The following SDK1 variants were observed in gnomAD, a reference collection of about 807,000 sequenced individuals.
SDK1 encodes the protein protein sidekick-1.
In SDK1, 157 loss-of-function variants were observed where a neutral mutation model predicts 245.5. The ratio of observed to expected loss-of-function variants is 0.64; its 90% CI spans 0.56 to 0.73. SDK1 has a LOEUF of 0.73. Ranked by LOEUF, SDK1 falls within the 30% of genes least tolerant of loss-of-function variation. The pLI, the probability that SDK1 is intolerant of heterozygous loss-of-function variation, is 0.00. For synonymous variants in SDK1, 1,647 were observed against 1,278.5 expected (o/e 1.29, Z -6.15); for missense variants, 3,583 against 3,002.3 (o/e 1.19, Z -4.52).
intron 4 of SDK1, among the ~76,000 whole-genome samples, chr7:3,798,400 G>A (rs1779019623): frequency 6.6e-6 from 1 of 151,778 alleles, no homozygotes; most frequent in Non-Finnish European, 1.5e-5. Context: ...TGTGTTTTTA[G>A]TAGAGACAGG....
chr7:4,029,276 A>G (rs1030480037), intron 17 of SDK1, among the ~76,000 whole-genome samples: 1 of 142,696 alleles, frequency 7.0e-6, no homozygotes, highest in Non-Finnish European at 1.5e-5. Context: ...CAGTGGCACA[A>G]TCTCAGCTCA....
chr7:4,085,715 T>C (rs185112962), intron 22 of SDK1, among the ~76,000 whole-genome samples: 2,333 of 152,100 alleles, frequency 0.015, 59 homozygotes, highest in African/African-American at 0.045. Context: ...CCACCACGCC[T>C]GGCTAATTTT....
Position 3,509,050 on chromosome 7 carries a change from C to T in SDK1, c.299-110030C>T, listed in dbSNP as rs563272225. ...CAGTTGTGAACTCAGCATATCAGGG[C>T]AGCCTAAGGAAGGTGGGGTGTGTGT... is the stretch of plus-strand genomic sequence containing the variant. On this transcript the variant is annotated intron_variant, in intron 1 of 44. Transcript: ENST00000404826. 2.1e-3 allele frequency among the ~76,000 whole-genome samples: 320 copies of T among 151,818 alleles called. 2 individuals are homozygous for T. Among genetic ancestry groups the T allele is most frequent in the Admixed American group, 5.0e-3 (76 of 15,230 alleles).
At chr7:3,599,155 T>C (rs1781173668) in intron 1 of SDK1, among the ~76,000 whole-genome samples, 1 of 151,004 alleles carries the variant, frequency 6.6e-6, no homozygotes, top group South Asian at 2.1e-4. Flanking sequence ...TGTTTTTTAC[T>C]GTAGCCATTC....
At chr7:4,159,814 T>G (rs2128211851) in intron 31 of SDK1, among the ~76,000 whole-genome samples, 1 of 152,288 alleles carries the variant, frequency 6.6e-6, no homozygotes, top group East Asian at 1.9e-4. Context: ...GTTTGGAGAG[T>G]GTTATGACCT....
rs555396375 is a variant in SDK1 at position 3,799,629 on chromosome 7, T to C, written c.714-21821T>C. Among the ~76,000 whole-genome samples the C allele has an allele frequency of 6.5e-5, 9 of 139,080 alleles. No individual in the cohort carries two copies. In the East Asian group the frequency reaches 8.7e-4, roughly 13 times the overall value. 91.2% of individuals were successfully genotyped at this position (139,080 alleles called of 152,430 possible). A position where few individuals can be genotyped will look rare whatever the true frequency, so the allele number is the denominator to read the frequency against. ...CTGAGGCAGGAGAATGGCGTGAACC[T>C]GGGAGGCGGGGTTTGCAGTGAGCCA... On this transcript the variant is annotated intron_variant, in intron 4 of 44. Transcript: ENST00000404826.
intron 5 of SDK1, among the ~76,000 whole-genome samples, chr7:3,879,919 A>G (rs955852816): frequency 3.3e-5 from 5 of 151,902 alleles, no homozygotes; most frequent in Non-Finnish European, 5.9e-5. Flanking sequence ...CGTATGCTAC[A>G]TGACCATTTT....
chr7:4,196,463 T>C (rs1186813180), intron 35 of SDK1, among the ~76,000 whole-genome samples: 2 of 152,240 alleles, frequency 1.3e-5, no homozygotes. Flanking sequence ...CCCCTGGACG[T>C]GCGGTGCCGT....
chr7:3,348,217 A>G (rs894098797), intron 1 of SDK1, among the ~76,000 whole-genome samples: 4 of 152,162 alleles, frequency 2.6e-5, no homozygotes, highest in Non-Finnish European at 1.5e-5. Context: ...TGGCTTCACT[A>G]CTTGATAACT....
intron 5 of SDK1, among the ~76,000 whole-genome samples, chr7:3,859,260 G>C (rs1212882268): frequency 1.3e-5 from 2 of 152,160 alleles, no homozygotes; most frequent in Non-Finnish European, 2.9e-5. Context: ...TGCCTAGCTG[G>C]GAGGCTGGGC....
At chr7:3,705,538 G>T (rs1452185491) in intron 4 of SDK1, among the ~76,000 whole-genome samples, 5 of 149,906 alleles carry the variant, frequency 3.3e-5, no homozygotes, top group Non-Finnish European at 7.4e-5. Flanking sequence ...TTGAGTTCAT[G>T]ATTTGAGTCT....
At chr7:3,910,957 C>A (rs1307851804) in intron 5 of SDK1, among the ~76,000 whole-genome samples, 1 of 152,192 alleles carries the variant, frequency 6.6e-6, no homozygotes, top group Admixed American at 6.5e-5. Context: ...CAAGCTCAGG[C>A]GTGCTGCTCT....
chr7:3,640,569 A>G (rs1782616169), intron 3 of SDK1, among the ~76,000 whole-genome samples: 1 of 152,210 alleles, frequency 6.6e-6, no homozygotes, highest in Non-Finnish European at 1.5e-5. Flanking sequence ...TAGAGTGAAG[A>G]CGAATACCTA....
chr7:3,781,312 C>T (rs888291754), intron 4 of SDK1, among the ~76,000 whole-genome samples: 1 of 152,134 alleles, frequency 6.6e-6, no homozygotes. Context: ...CACAACCCCA[C>T]CTGACATCAG....
chr7:3,325,315 C>CT (rs1316532825), intron 1 of SDK1, among the ~76,000 whole-genome samples: 4 of 151,998 alleles, frequency 2.6e-5, no homozygotes, highest in Non-Finnish European at 4.4e-5. Flanking sequence ...AGATCCTAAC[C>CT]TTTATATTTA....
chr7:4,141,146 G>A (rs934975343), intron 28 of SDK1, among the ~76,000 whole-genome samples: 8 of 152,202 alleles, frequency 5.3e-5, no homozygotes, highest in African/African-American at 1.7e-4. Context: ...GTGAGGTGAG[G>A]CCCACGTGGG....
rs375943723 is a variant in SDK1 at position 3,900,920 on chromosome 7, A to G, written c.848-50003A>G. On this transcript the variant is annotated intron_variant, in intron 5 of 44. Coordinates refer to ENST00000404826, the MANE Select transcript of SDK1 (RefSeq NM_152744.4). The stretch of plus-strand genomic sequence containing the variant: ...GTGTAGTTCTGTTATCTAATATATC[A>G]TTCAAATTCAAATGTGCCTAATTGT... Among the ~76,000 whole-genome samples, 4 of 152,258 alleles carry G rather than the reference A, an allele frequency of 2.6e-5. No homozygotes were observed. In the East Asian group the frequency reaches 7.7e-4, roughly 29 times the overall value.
intron 5 of SDK1, among the ~76,000 whole-genome samples, chr7:3,827,158 G>C (rs990673754): frequency 2.7e-5 from 4 of 148,514 alleles, no homozygotes; most frequent in African/African-American, 1.0e-4. Context: ...TGCCCTCAAA[G>C]TTTGAACACA....
intron 1 of SDK1, among the ~76,000 whole-genome samples, chr7:3,561,181 C>A (rs900660289): frequency 3.9e-5 from 6 of 152,176 alleles, no homozygotes; most frequent in Admixed American, 3.9e-4. Context: ...TTTGCTTCAT[C>A]CTGATCTGTC....
Sources: allele counts gnomAD v4.1 joint callset (sites outside exome capture counted in the v4.1 genomes callset), GRCh38; gene constraint gnomAD v4.1.1; transcripts MANE v1.5; gene names NCBI Gene and HGNC (gene_info 2026-07-23, HGNC 2026-07-21).